Variants in LINGO2 observed in about 807,000 individuals in gnomAD.
The protein encoded by LINGO2 is leucine rich repeat and Ig domain containing 2.
In LINGO2, 14 loss-of-function variants were observed where a neutral mutation model predicts 30.6. That is an observed-to-expected ratio of 0.46 (90% confidence interval 0.30 to 0.72). The LOEUF is 0.72. Among genes scored for constraint, LINGO2 ranks in the 30% least tolerant of loss-of-function variants. The pLI is 0.07. For missense variants in LINGO2, 729 were observed against 751.7 expected (o/e 0.97, Z 0.35); for synonymous variants, 317 against 288.5 (o/e 1.10, Z -1.00).
At chr9:28,962,378 T>C in the LINGO2 span, among the ~76,000 whole-genome samples, 1 of 152,100 alleles carries the variant, frequency 6.6e-6, no homozygotes, top group South Asian at 2.1e-4. Flanking sequence ...TTTCCACTCA[T>C]ACCTTTAGAT....
chr9:28,190,471 T>C (rs1564030277), intron 4 of LINGO2, among the ~76,000 whole-genome samples: 1 of 152,086 alleles, frequency 6.6e-6, no homozygotes. Context: ...GAGATGTGAT[T>C]ATGTCCTGAG....
At chr9:27,955,402 G>GTAA (rs1819514620) in intron 5 of LINGO2, among the ~76,000 whole-genome samples, 1 of 152,088 alleles carries the variant, frequency 6.6e-6, no homozygotes, top group African/African-American at 2.4e-5. Context: ...TTACACCTTT[G>GTAA]TAAGCACCAT....
At chr9:28,307,033 T>G (rs1824393047) in intron 3 of LINGO2, among the ~76,000 whole-genome samples, 1 of 152,088 alleles carries the variant, frequency 6.6e-6, no homozygotes, top group Non-Finnish European at 1.5e-5. Context: ...CTTCTGAAAC[T>G]ATTCCAATCA....
chr9:28,607,303 T>C (rs1020695399), intron 1 of LINGO2, among the ~76,000 whole-genome samples: 8 of 152,168 alleles, frequency 5.3e-5, no homozygotes, highest in Admixed American at 3.3e-4. Flanking sequence ...AAGGGAATTG[T>C]ACAATGTGGA....
the LINGO2 span, among the ~76,000 whole-genome samples, chr9:29,188,284 A>G: frequency 6.6e-6 from 1 of 151,858 alleles, no homozygotes; most frequent in East Asian, 2.0e-4. Flanking sequence ...CCCTTAATCC[A>G]TTTAACCCTG....
At chr9:28,682,274 C>T in the LINGO2 span, among the ~76,000 whole-genome samples, 1 of 152,170 alleles carries the variant, frequency 6.6e-6, no homozygotes, top group Non-Finnish European at 1.5e-5. Context: ...TGGAAAAAAG[C>T]TCATGGAACC....
chr9:28,949,896 C>T, the LINGO2 span, among the ~76,000 whole-genome samples: 1 of 152,192 alleles, frequency 6.6e-6, no homozygotes, highest in East Asian at 1.9e-4. Context: ...ATACTGGATC[C>T]TGCAGCACAT....
chr9:28,749,236 G>C, the LINGO2 span, among the ~76,000 whole-genome samples: 1 of 151,840 alleles, frequency 6.6e-6, no homozygotes, highest in Non-Finnish European at 1.5e-5. Context: ...ATATCTCTTA[G>C]CAAAGCCCTC....
intron 3 of LINGO2, among the ~76,000 whole-genome samples, chr9:28,366,024 T>C (rs1447680727): frequency 6.6e-6 from 1 of 152,152 alleles, no homozygotes; most frequent in Non-Finnish European, 1.5e-5. Context: ...TACTTTGAAC[T>C]TTTTCACAAT....
At chr9:28,616,752 G>A (rs1458291637) in intron 1 of LINGO2, among the ~76,000 whole-genome samples, 2 of 152,166 alleles carry the variant, frequency 1.3e-5, no homozygotes, top group Admixed American at 1.3e-4. Context: ...ATCTAGGCCA[G>A]AAACAAAGAA....
chr9:29,072,632 A>ATATATATAT, the LINGO2 span, among the ~76,000 whole-genome samples: 1 of 112,054 alleles, frequency 8.9e-6, no homozygotes, highest in African/African-American at 3.6e-5. Context: ...TATATATATC[A>ATATATATAT]AGAGTCCTAA....
chr9:28,307,108 C>A (rs1457981608), intron 3 of LINGO2, among the ~76,000 whole-genome samples: 1 of 152,026 alleles, frequency 6.6e-6, no homozygotes, highest in African/African-American at 2.4e-5. Context: ...ATACCAAAGC[C>A]CGGCAGAGAC....
intron 3 of LINGO2, among the ~76,000 whole-genome samples, chr9:28,361,725 A>G (rs182517264): frequency 1.3e-5 from 2 of 152,222 alleles, no homozygotes; most frequent in East Asian, 3.9e-4. Context: ...ATGTTCATTT[A>G]ATTAATATGT....
At chr9:28,330,829 C>T (rs1162105906) in intron 3 of LINGO2, among the ~76,000 whole-genome samples, 1 of 152,026 alleles carries the variant, frequency 6.6e-6, no homozygotes, top group Non-Finnish European at 1.5e-5. Flanking sequence ...AAAGAGTGAC[C>T]ACAAATTTTG....
intron 1 of LINGO2, among the ~76,000 whole-genome samples, chr9:28,523,813 A>C (rs1050376457): frequency 1.3e-5 from 2 of 152,090 alleles, no homozygotes; most frequent in Non-Finnish European, 2.9e-5. Flanking sequence ...TATGGATTGG[A>C]TATCTGAATA....
intron 4 of LINGO2, among the ~76,000 whole-genome samples, chr9:28,240,998 C>A (rs999785188): frequency 6.6e-6 from 1 of 152,020 alleles, no homozygotes; most frequent in Non-Finnish European, 1.5e-5. Context: ...TGGTCGGGCA[C>A]AGTGGCTCAC....
In LINGO2 at chr9:28,432,987, C is replaced by T. The variant is rs145356998; in HGVS notation, c.-279+42953G>A. Among the ~76,000 whole-genome samples the T allele has an allele frequency of 9.9e-5, 15 of 151,818 alleles. 3 individuals are homozygous for T. The highest frequency in any genetic ancestry group is 3.6e-4 in the African/African-American group (15 of 41,430). On this transcript the variant is annotated intron_variant, in intron 2 of 5. Coordinates refer to ENST00000379992, the Ensembl canonical transcript of LINGO2. ...GGAGGAAATGACAGTAGTAAGACAA[C>T]AAGAATATGCATTAAAAAAATCCCA... is the stretch of plus-strand genomic sequence containing the variant.
At chr9:28,873,025 T>C in the LINGO2 span, among the ~76,000 whole-genome samples, 1 of 152,092 alleles carries the variant, frequency 6.6e-6, no homozygotes, top group Non-Finnish European at 1.5e-5. Context: ...TAGCCAAAAT[T>C]AGATAATCTT....
the LINGO2 span, among the ~76,000 whole-genome samples, chr9:29,199,161 C>T: frequency 6.6e-6 from 1 of 152,052 alleles, no homozygotes; most frequent in Non-Finnish European, 1.5e-5. Context: ...TTGTAGACTG[C>T]AGTGTCTAAA....
Sources: allele counts gnomAD v4.1 joint callset (sites outside exome capture counted in the v4.1 genomes callset), GRCh38; gene constraint gnomAD v4.1.1; transcripts MANE v1.5; gene names NCBI Gene and HGNC (gene_info 2026-07-23, HGNC 2026-07-21).